Variants in CTNNAL1 observed in about 807,000 individuals in gnomAD.
The protein encoded by CTNNAL1 is alpha-catulin.
A neutral mutation model predicts 93.6 loss-of-function variants in CTNNAL1; 69 were observed. That is an observed-to-expected ratio of 0.74 (90% CI 0.61 to 0.90). The LOEUF (loss-of-function observed/expected upper bound fraction) is 0.90, where lower values mean the gene tolerates loss of function less well. CTNNAL1 is among the 40% of genes least tolerant of loss of function. CTNNAL1 has a pLI of 0.00. For synonymous variants in CTNNAL1, 286 were observed against 305.4 expected (o/e 0.94, Z 0.66); for missense variants, 836 against 862.0 (o/e 0.97, Z 0.38).
intron 6 of CTNNAL1, among the ~76,000 whole-genome samples, chr9:108,979,893 G>T (rs1349002924): frequency 6.6e-6 from 1 of 152,256 alleles, no homozygotes; most frequent in Non-Finnish European, 1.5e-5. Flanking sequence ...GAAGGATGGT[G>T]TGGAAGATGT....
chr9:108,965,385 T>C lies in CTNNAL1; in HGVS notation c.1584A>G (p.Gly528=), dbSNP rs781441227. 1.4e-6 allele frequency: 2 copies of C among 1,470,384 alleles called. No homozygotes were observed. The highest frequency in any genetic ancestry group is 2.4e-5 in the Admixed American group (1 of 42,424). 91.1% of individuals were successfully genotyped at this position (1,470,384 alleles called of 1,614,324 possible). The part of the protein sequence containing the change: ...LLREINDVFE[G]RRGEKYGYLS... Reference sequence around the variant, plus strand: ...ATGTGGACAGTTTCTCACCTCGTCTTCCTTCAAACACGTCATTGATTTCTC... The same window carrying C: ...ATGTGGACAGTTTCTCACCTCGTCTCCCTTCAAACACGTCATTGATTTCTC... The change falls in exon 11 of 19, where the codon GGA becomes GGG. Residue 528 remains glycine (G), a synonymous_variant. Transcript: ENST00000325551.
chr9:108,995,729 C>G (rs970217833), intron 2 of CTNNAL1, among the ~76,000 whole-genome samples: 1 of 152,036 alleles, frequency 6.6e-6, no homozygotes, highest in Non-Finnish European at 1.5e-5. Flanking sequence ...GAGTTCAACA[C>G]AGGGAAGTAA....
chr9:108,972,485 T>C (rs184044896), intron 9 of CTNNAL1, among the ~76,000 whole-genome samples, 190 bp downstream of exon 9: 20 of 152,228 alleles, frequency 1.3e-4, no homozygotes, highest in African/African-American at 4.1e-4. Context: ...GTCTTAGCAT[T>C]TTTTTTGTTT....
In CTNNAL1 at chr9:108,970,403, T is replaced by A; in HGVS notation, c.1439A>T (p.Gln480Leu). Residue 480 changes from glutamine (Q) to leucine (L), a missense_variant and splice_region_variant, in exon 10 of 19, where the codon CAG becomes CTG. By Grantham distance (113) the Gln-to-Leu change is moderately radical. Transcript: ENST00000325551. The part of the protein sequence containing the change: ...AEETFQVTGQ[Q>L]IISAAETLTL... ...AGGAGCAATCTGCTATTATCATACC[T>A]GTTGGCCAGTCACCTGAAATGTCTC... The A allele has an allele frequency of 6.2e-7, 1 of 1,610,842 alleles. No individual in the cohort carries two copies. Among genetic ancestry groups the A allele is most frequent in the East Asian group, 2.2e-5 (1 of 44,598 alleles).
intron 1 of CTNNAL1, among the ~76,000 whole-genome samples, chr9:109,000,703 GAA>G (rs748272087): frequency 9.0e-5 from 11 of 122,270 alleles, no homozygotes; most frequent in Admixed American, 1.7e-4. Context: ...AACAGTGGAG[GAA>G]AAAAAAAAAA....
intron 11 of CTNNAL1, among the ~76,000 whole-genome samples, chr9:108,960,117 T>C (rs1232673548): frequency 6.6e-6 from 1 of 152,180 alleles, no homozygotes; most frequent in African/African-American, 2.4e-5. Flanking sequence ...AAAAAATTAA[T>C]GTCCCCAGAC....
chr9:108,945,689 G>A lies in CTNNAL1; in HGVS notation c.1885-1671C>T, dbSNP rs190672025. On this transcript the variant is annotated intron_variant, in intron 15 of 18. Transcript: ENST00000325551. ...AAGGTCTCACTATGTTGCCCCAGCTGGTCTCAAACTCCTGGACTCAAGTGA... is the reference window on the plus strand; with the variant it reads ...AAGGTCTCACTATGTTGCCCCAGCTAGTCTCAAACTCCTGGACTCAAGTGA... 7.3e-5 allele frequency among the ~76,000 whole-genome samples: 11 copies of A among 150,064 alleles called. No individual in the cohort carries two copies. The East Asian group carries it at 2.2e-3, about 30-fold the overall frequency.
In CTNNAL1 at chr9:108,958,646, A is replaced by C. The variant is rs376994522; in HGVS notation, c.1592-2819T>G. Among the ~76,000 whole-genome samples, 308 of 152,304 alleles carry C rather than the reference A, an allele frequency of 2.0e-3. 15 individuals carry two copies. In the South Asian group the frequency reaches 0.058, roughly 29 times the overall value. ...AACAAGTTGACAATAACACAAGAAA[A>C]AGCAATCTAATACTAACAAGAGATC... On this transcript the variant is annotated intron_variant, in intron 11 of 18. Coordinates refer to ENST00000325551, the MANE Select transcript of CTNNAL1 (RefSeq NM_003798.4).
chr9:108,952,489 ATTC>A lies in CTNNAL1; in HGVS notation c.1632_1634del (p.Lys544del), dbSNP rs749160663. ...GCTTTAATGATTTCAGGTTTGCATT[ATTC>A]TTCTGTGACAATAAAAAGATTAAGA... On this transcript the variant is annotated inframe_deletion and splice_region_variant, in exon 13 of 19. Transcript: ENST00000325551. 40 of 1,614,088 alleles carry A rather than the reference ATTC, an allele frequency of 2.5e-5. No homozygotes were observed. Among genetic ancestry groups the A allele is most frequent in the Non-Finnish European group, 3.2e-5 (38 of 1,180,030 alleles).
At chr9:108,951,537 G>T (rs935398215) in intron 14 of CTNNAL1, among the ~76,000 whole-genome samples, 1 of 152,174 alleles carries the variant, frequency 6.6e-6, no homozygotes, top group Non-Finnish European at 1.5e-5. Context: ...GAAACTGAGT[G>T]AAAAGCTTGA....
Position 108,943,816 on chromosome 9 carries a change from G to A in CTNNAL1, c.1942C>T (p.Leu648=). ...TSSVQAFSKQ[L]KDDDKLMLLL... is the part of the protein sequence containing the mutation. The stretch of plus-strand genomic sequence containing the variant: ...AGCATAAGCTTGTCATCGTCTTTCA[G>A]CTGAAATGTAATTTAACAAGTTATA... The change falls in exon 17 of 19, where the codon CTG becomes TTG. Residue 648 remains leucine, a splice_region_variant and synonymous_variant. Transcript: ENST00000325551. The A allele has an allele frequency of 6.2e-7, 1 of 1,612,630 alleles. No individual in the cohort carries two copies. Among genetic ancestry groups the A allele is most frequent in the Non-Finnish European group, 8.5e-7 (1 of 1,179,578 alleles).
chr9:108,948,667 G>A (rs1320720111), intron 14 of CTNNAL1, among the ~76,000 whole-genome samples: 1 of 152,152 alleles, frequency 6.6e-6, no homozygotes, highest in African/African-American at 2.4e-5. Flanking sequence ...ATCTAACCTT[G>A]ATGAGGCATA....
chr9:108,988,649 T>C (rs1469001442), intron 4 of CTNNAL1, among the ~76,000 whole-genome samples: 1 of 152,204 alleles, frequency 6.6e-6, no homozygotes, highest in African/African-American at 2.4e-5. Flanking sequence ...TTCATCTTAT[T>C]ACCCTTCCCG....
chr9:108,997,197 G>C (rs16913745), intron 2 of CTNNAL1, among the ~76,000 whole-genome samples: 1 of 151,964 alleles, frequency 6.6e-6, no homozygotes, highest in African/African-American at 2.4e-5. Context: ...GTCAACCCAG[G>C]GTCTTCCCTT....
At chr9:108,953,747 T>C (rs1209136204) in intron 12 of CTNNAL1, among the ~76,000 whole-genome samples, 1 of 152,212 alleles carries the variant, frequency 6.6e-6, no homozygotes, top group Admixed American at 6.5e-5. Flanking sequence ...TGATGTTTAC[T>C]ATTAAAGAAA....
chr9:108,991,991 G>A (rs1255762770), intron 3 of CTNNAL1: 2 of 732,936 alleles, frequency 2.7e-6, no homozygotes, highest in Non-Finnish European at 5.1e-6. Flanking sequence ...GGGACTCTGA[G>A]TACAGAAATT....
At chr9:108,992,165 A>T in intron 3 of CTNNAL1, 1 of 646,642 alleles carries the variant, frequency 1.5e-6, no homozygotes, top group South Asian at 1.7e-5. Context: ...TTTCTTTCCA[A>T]ATGTTGTACA....
At position 108,979,390 on chromosome 9, in the gene CTNNAL1, TCCTCCATACG is replaced by T; in HGVS notation, c.982_991del (p.Arg328ThrfsTer30). ...GCTGGTGTAGGCAGAATCAGTAAAG[TCCTCCATACG>T]CTCCAAGATGACTTCCAATGTCACA... On this transcript the variant is annotated frameshift_variant, in exon 7 of 19. Coordinates refer to ENST00000325551, the MANE Select transcript of CTNNAL1 (RefSeq NM_003798.4). LOFTEE classifies it high-confidence loss of function. 1 of 1,614,118 alleles carries T rather than the reference TCCTCCATACG, an allele frequency of 6.2e-7. No homozygotes were observed. The highest frequency in any genetic ancestry group is 8.5e-7 in the Non-Finnish European group (1 of 1,180,010).
chr9:109,013,337 A>G lies in CTNNAL1; in HGVS notation c.106T>C (p.Ser36Pro). Residue 36 changes from serine (S) to proline (P), a missense_variant, in exon 1 of 19, where the codon TCG (serine) becomes CCG (proline). Coordinates refer to ENST00000325551, the MANE Select transcript of CTNNAL1 (RefSeq NM_003798.4). ...AGCGGGAGTAGCGTCTGCTCCACCG[A>G]GCGAGTTTTGATCTCCAGTCCCGAG... ...LDSGLEIKTR[S>P]VEQTLLPLVS... The G allele has an allele frequency of 6.6e-7, 1 of 1,515,104 alleles. No homozygotes were observed. The highest frequency in any genetic ancestry group is 1.2e-5 in the South Asian group (1 of 80,388). 93.9% of individuals were successfully genotyped at this position (1,515,104 alleles called of 1,614,324 possible).
Sources: gnomAD v4.1 joint callset for allele counts (sites outside exome capture counted in the v4.1 genomes callset) on GRCh38, gnomAD v4.1.1 for gene constraint, MANE v1.5 for transcripts, NCBI Gene and HGNC (gene_info 2026-07-23, HGNC 2026-07-21) for gene names.